ELAVL2: variants seen among roughly 807,000 people sequenced by gnomAD.
ELAVL2 encodes ELAV like RNA binding protein 2.
ELAVL2 carries 4 observed loss-of-function variants against 34.6 expected under a neutral mutation model. That is an observed-to-expected ratio of 0.12 (90% CI 0.06 to 0.26). ELAVL2 has a LOEUF of 0.26. Among genes scored for constraint, ELAVL2 ranks in the 10% least tolerant of loss-of-function variants. The pLI, the probability that ELAVL2 is intolerant of heterozygous loss-of-function variation, is 1.00. For synonymous variants in ELAVL2, 193 were observed against 154.8 expected, an observed-to-expected ratio of 1.25 and a Z score of -1.83; for missense variants, 432 against 442.8, an observed-to-expected ratio of 0.98 and a Z score of 0.22.
intron 4 of ELAVL2, among the ~76,000 whole-genome samples, chr9:23,702,966 A>AAAAAAAAAAAAAAAAAAAAACAAAC (rs2037888796): frequency 1.4e-5 from 2 of 143,012 alleles, no homozygotes; most frequent in African/African-American, 5.4e-5. Context: ...AAAAAAAAAA[A>AAAAAAAAAAAAAAAAAAAAACAAAC]AAAAAAAAAA....
chr9:23,703,731 T>C (rs1030074801), intron 4 of ELAVL2, among the ~76,000 whole-genome samples: 2 of 152,058 alleles, frequency 1.3e-5, no homozygotes, highest in Non-Finnish European at 2.9e-5. Flanking sequence ...GCCTCCAAGG[T>C]ATTATTATTA....
intron 2 of ELAVL2, among the ~76,000 whole-genome samples, chr9:23,733,263 T>C (rs1462440420): frequency 1.3e-5 from 2 of 151,790 alleles, no homozygotes; most frequent in African/African-American, 4.8e-5. Flanking sequence ...TATATGTGTG[T>C]TTGTGTCTGT....
At chr9:23,827,047 A>G (rs977209730), upstream of ELAVL2, among the ~76,000 whole-genome samples, 3 of 152,210 alleles carry the variant, frequency 2.0e-5, no homozygotes, top group Non-Finnish European at 4.4e-5. Context: ...TAGGATAAAT[A>G]TCCTATCCAG....
intron 3 of ELAVL2, 96 bp downstream of exon 3, chr9:23,730,926 A>C: frequency 5.0e-5 from 55 of 1,092,102 alleles, no homozygotes; most frequent in Non-Finnish European, 6.5e-5. Context: ...AACTGTTTAT[A>C]TGGGCCCAAA....
chr9:23,759,645 A>G lies in ELAVL2; in HGVS notation c.229+2361T>C, dbSNP rs554631938. ...TACACAATGTATATAGCATCAAAAC[A>G]TCTCACTGTACTCCACAAATTTGTT... On this transcript the variant is annotated intron_variant, in intron 2 of 6. Coordinates refer to ENST00000397312, the MANE Select transcript of ELAVL2 (RefSeq NM_004432.5). 2.0e-4 allele frequency among the ~76,000 whole-genome samples: 30 copies of G among 150,782 alleles called. No individual in the cohort carries two copies. In the South Asian group the frequency reaches 5.6e-3, roughly 28 times the overall value.
the ELAVL2 span, among the ~76,000 whole-genome samples, chr9:23,834,466 T>A: frequency 1.3e-5 from 2 of 151,972 alleles, no homozygotes; most frequent in Non-Finnish European, 2.9e-5. Context: ...TATAAAATTG[T>A]GATAATAATG....
chr9:23,774,925 T>G (rs1329683599), intron 1 of ELAVL2, among the ~76,000 whole-genome samples: 1 of 152,186 alleles, frequency 6.6e-6, no homozygotes, highest in African/African-American at 2.4e-5. Context: ...CCACAATTAA[T>G]GGATCAGGCA....
At chr9:23,700,915 C>A (rs958388086) in intron 5 of ELAVL2, among the ~76,000 whole-genome samples, 1 of 151,386 alleles carries the variant, frequency 6.6e-6, no homozygotes, top group South Asian at 2.1e-4. Flanking sequence ...GCCCTGGAAA[C>A]AATTCAGATA....
At chr9:23,779,953 T>C (rs924615343) in intron 1 of ELAVL2, among the ~76,000 whole-genome samples, 4 of 140,364 alleles carry the variant, frequency 2.8e-5, no homozygotes, top group Non-Finnish European at 3.0e-5. Context: ...TTCTTTTTTT[T>C]CCCCAGAATC....
intron 2 of ELAVL2, among the ~76,000 whole-genome samples, chr9:23,758,421 A>T (rs1456877574): frequency 6.6e-6 from 1 of 152,130 alleles, no homozygotes; most frequent in Admixed American, 6.6e-5. Flanking sequence ...GTTTATGCTT[A>T]AGTTAAATGA....
chr9:23,786,091 ATT>A (rs781419326), intron 1 of ELAVL2, among the ~76,000 whole-genome samples: 11 of 152,330 alleles, frequency 7.2e-5, no homozygotes, highest in Non-Finnish European at 1.5e-4. Flanking sequence ...CATTTGAAAC[ATT>A]TGTGATAAAT....
At chr9:23,833,299 T>G in the ELAVL2 span, among the ~76,000 whole-genome samples, 1 of 151,870 alleles carries the variant, frequency 6.6e-6, no homozygotes, top group Non-Finnish European at 1.5e-5. Flanking sequence ...TAACAAGATA[T>G]TTTTCTGCTT....
chr9:23,821,298 C>G (rs995938177), intron 1 of ELAVL2: 15 of 152,432 alleles, frequency 9.8e-5, no homozygotes, highest in Admixed American at 9.8e-4. Flanking sequence ...GTGCACGCTG[C>G]CAGGCGCGAC....
At chr9:23,747,288 C>T (rs1055834321) in intron 2 of ELAVL2, among the ~76,000 whole-genome samples, 3 of 152,072 alleles carry the variant, frequency 2.0e-5, no homozygotes, top group Non-Finnish European at 2.9e-5. Context: ...AATTTAATCA[C>T]GATACTCTGA....
intron 1 of ELAVL2, among the ~76,000 whole-genome samples, chr9:23,764,550 CAA>C (rs1451149896): frequency 6.6e-6 from 1 of 152,140 alleles, no homozygotes; most frequent in Non-Finnish European, 1.5e-5. Context: ...TCACAGAATG[CAA>C]ACTCTTTCAA....
chr9:23,815,293 A>G (rs570668417), intron 1 of ELAVL2, among the ~76,000 whole-genome samples: 4 of 152,272 alleles, frequency 2.6e-5, no homozygotes, highest in African/African-American at 9.6e-5. Flanking sequence ...ATCTTTTAGC[A>G]TTATTTATAT....
chr9:23,700,697 G>A (rs1395545692), intron 5 of ELAVL2, among the ~76,000 whole-genome samples: 2 of 152,130 alleles, frequency 1.3e-5, no homozygotes, highest in African/African-American at 2.4e-5. Context: ...TTACTATCTG[G>A]TACTGTACAG....
chr9:23,780,163 T>C (rs1160592943), intron 1 of ELAVL2, among the ~76,000 whole-genome samples: 1 of 152,016 alleles, frequency 6.6e-6, no homozygotes, highest in Non-Finnish European at 1.5e-5. Context: ...AGGACTGTAT[T>C]ATAAAACATT....
chr9:23,822,697 A>G (rs2064987142), intron 1 of ELAVL2, among the ~76,000 whole-genome samples: 1 of 152,210 alleles, frequency 6.6e-6, no homozygotes. Flanking sequence ...GATTTTTTTC[A>G]TTGCAAAGGC....
Sources: allele counts gnomAD v4.1 joint callset (sites outside exome capture counted in the v4.1 genomes callset), GRCh38; gene constraint gnomAD v4.1.1; transcripts MANE v1.5; gene names NCBI Gene and HGNC (gene_info 2026-07-23, HGNC 2026-07-21).